The following SLIT2 variants were observed in gnomAD, a reference collection of about 807,000 sequenced individuals.
SLIT2 encodes the protein slit guidance ligand 2, also known as slit homolog 2 protein.
A neutral mutation model predicts 185.7 loss-of-function variants in SLIT2; 41 were observed. The observed-to-expected ratio is 0.22, with a 90% CI of 0.17 to 0.29. The LOEUF (loss-of-function observed/expected upper bound fraction) is 0.29, where lower values mean the gene tolerates loss of function less well. Ranked by LOEUF, SLIT2 falls within the 10% of genes least tolerant of loss-of-function variation. SLIT2 has a pLI of 1.00. For missense variants in SLIT2, 1,571 were observed against 1,909.0 expected, an observed-to-expected ratio of 0.82 and a Z score of 3.30; for synonymous variants, 693 against 680.2, an observed-to-expected ratio of 1.02 and a Z score of -0.29.
At chr4:20,535,349 A>G (rs1001517904) in intron 18 of SLIT2, among the ~76,000 whole-genome samples, 3 of 152,012 alleles carry the variant, frequency 2.0e-5, no homozygotes, top group Non-Finnish European at 2.9e-5. Flanking sequence ...GGAAGAGGAT[A>G]GAAAAGAGAC....
At chr4:20,350,547 T>G (rs755897466) in intron 4 of SLIT2, among the ~76,000 whole-genome samples, 1 of 152,196 alleles carries the variant, frequency 6.6e-6, no homozygotes, top group Non-Finnish European at 1.5e-5. Flanking sequence ...CAGAATAATA[T>G]GTAAGTCTCT....
chr4:20,567,417 T>A (rs768680866), intron 27 of SLIT2, 31 bp downstream of exon 27: 1 of 1,612,946 alleles, frequency 6.2e-7, no homozygotes, highest in Admixed American at 1.7e-5. Context: ...AGTCACAGTT[T>A]GAGAGCATAA....
intron 3 of SLIT2, among the ~76,000 whole-genome samples, chr4:20,265,431 A>T (rs1712929981): frequency 6.6e-6 from 1 of 151,908 alleles, no homozygotes; most frequent in Admixed American, 6.6e-5. Context: ...ATGTGTATTG[A>T]TACTGCTTTA....
rs771235693 is a variant in SLIT2 at position 20,256,707 on chromosome 4, A to C, written c.215A>C (p.Lys72Thr). The C allele has an allele frequency of 3.8e-6, 6 of 1,577,076 alleles. No individual in the cohort carries two copies. Among genetic ancestry groups the C allele is most frequent in the Non-Finnish European group, 5.2e-6 (6 of 1,153,864 alleles). Residue 72 changes from lysine (K) to threonine (T), a missense_variant, in exon 2 of 37, where the codon AAG becomes ACG. Physicochemically the swap from Lys to Thr is moderately conservative, Grantham distance 78. Coordinates refer to ENST00000504154, the MANE Select transcript of SLIT2 (RefSeq NM_004787.4). ...GGAAATAACATCACAAGAATTACGAAGACAGATTTTGCTGGTCTTAGACAT... is the reference window on the plus strand; with the variant it reads ...GGAAATAACATCACAAGAATTACGACGACAGATTTTGCTGGTCTTAGACAT... ...LNGNNITRIT[K>T]TDFAGLRHLR...
rs2148824944 is a variant in SLIT2, at chr4:20,510,542, C to T, written c.962C>T (p.Ser321Leu). Residue 321 changes from serine (S) to leucine (L), a missense_variant, in exon 10 of 37, where the codon TCA (serine) becomes TTA (leucine). By Grantham distance (145) the Ser-to-Leu change is moderately radical. Around this residue, in one of 3 missense-constraint regions of SLIT2, gnomAD observed 1,202 missense variants for 1,416.4 expected, o/e 0.85. Coordinates refer to ENST00000504154, the MANE Select transcript of SLIT2 (RefSeq NM_004787.4). ...AAAGTCATCCCTCCTGGAGCTTTCT[C>T]ACCATATAAAAAGCTTAGACGAATG... ...TIKVIPPGAFSPYKKLRRIDL... is the reference protein window; with the variant it reads ...TIKVIPPGAFLPYKKLRRIDL... The T allele has an allele frequency of 6.2e-7, 1 of 1,608,418 alleles. No homozygotes were observed. The highest frequency in any genetic ancestry group is 8.5e-7 in the Non-Finnish European group (1 of 1,175,394).
intron 4 of SLIT2, among the ~76,000 whole-genome samples, chr4:20,306,286 C>A (rs370955172): frequency 6.6e-6 from 1 of 152,086 alleles, no homozygotes; most frequent in African/African-American, 2.4e-5. Flanking sequence ...ACAAGACTAT[C>A]TTTTGATCAT....
rs569356759 is a variant in SLIT2 at position 20,305,148 on chromosome 4, A to G, written c.395+36267A>G. ...ATGCTATGCCATTTAGCTGCTGCTA[A>G]ACTGGTAACTCTCCATGTGGCTCTG... On this transcript the variant is annotated intron_variant, in intron 4 of 36. Coordinates refer to ENST00000504154, the MANE Select transcript of SLIT2 (RefSeq NM_004787.4). Among the ~76,000 whole-genome samples, 3 of 152,304 alleles carry G rather than the reference A, an allele frequency of 2.0e-5. No homozygotes were observed. In the South Asian group the frequency reaches 6.2e-4, roughly 32 times the overall value.
Position 20,302,708 on chromosome 4 carries a change from G to A in SLIT2, c.395+33827G>A, listed in dbSNP as rs183110487. ...TGACTGTGCAATCCAGTGACCAAGA[G>A]AGGAGAGTAATCGATTGGAGGATGC... On this transcript the variant is annotated intron_variant, in intron 4 of 36. Coordinates refer to ENST00000504154, the MANE Select transcript of SLIT2 (RefSeq NM_004787.4). 2.5e-3 allele frequency among the ~76,000 whole-genome samples: 375 copies of A among 152,312 alleles called. 1 individual carries two copies. Among genetic ancestry groups the A allele is most frequent in the Middle Eastern group, 0.014 (4 of 294 alleles).
intron 4 of SLIT2, among the ~76,000 whole-genome samples, chr4:20,436,113 A>C (rs1729327922): frequency 6.6e-6 from 1 of 152,232 alleles, no homozygotes; most frequent in South Asian, 2.1e-4. Flanking sequence ...GTAAACATCC[A>C]AAAGACAAAA....
chr4:20,341,207 C>A (rs943066623), intron 4 of SLIT2, among the ~76,000 whole-genome samples: 7 of 152,272 alleles, frequency 4.6e-5, no homozygotes, highest in African/African-American at 1.7e-4. Context: ...TCTGCTCAGA[C>A]GCATAGACTT....
At chr4:20,368,702 A>G (rs978682984) in intron 4 of SLIT2, among the ~76,000 whole-genome samples, 1 of 152,154 alleles carries the variant, frequency 6.6e-6, no homozygotes, top group African/African-American at 2.4e-5. Context: ...AAGAATGCTC[A>G]TGATAAAGTT....
intron 4 of SLIT2, among the ~76,000 whole-genome samples, chr4:20,271,948 C>T (rs766848547): frequency 4.6e-5 from 7 of 151,992 alleles, no homozygotes; most frequent in Admixed American, 3.9e-4. Flanking sequence ...AATTATGATT[C>T]GACACACTTG....
chr4:20,448,383 G>A (rs989492929), intron 4 of SLIT2, among the ~76,000 whole-genome samples: 22 of 151,984 alleles, frequency 1.4e-4, no homozygotes, highest in African/African-American at 3.6e-4. Flanking sequence ...GGGCAGCAGC[G>A]CGATCTTGGC....
At chr4:20,292,967 G>A (rs71607016) in intron 4 of SLIT2, among the ~76,000 whole-genome samples, 7,534 of 152,246 alleles carry the variant, frequency 0.049, 257 homozygotes, top group South Asian at 0.17. Flanking sequence ...CTTTCTGAAT[G>A]GGGTATCTGC....
At chr4:20,518,259 T>A (rs867968611) in intron 11 of SLIT2, among the ~76,000 whole-genome samples, 2,132 of 128,678 alleles carry the variant, frequency 0.017, 78 homozygotes, top group East Asian at 0.082. Flanking sequence ...ATATATATTT[T>A]TTTTTTTTTT....
chr4:20,525,720 T>C (rs1220555262), intron 15 of SLIT2, among the ~76,000 whole-genome samples: 1 of 152,168 alleles, frequency 6.6e-6, no homozygotes, highest in African/African-American at 2.4e-5. Flanking sequence ...TGCTGAATTA[T>C]ATGCAGTTGT....
intron 4 of SLIT2, among the ~76,000 whole-genome samples, chr4:20,324,788 G>A (rs1577434281): frequency 1.3e-5 from 2 of 152,186 alleles, no homozygotes; most frequent in South Asian, 4.1e-4. Context: ...TGTTGAAGCT[G>A]GTGAATATGT....
At chr4:20,515,743 C>A (rs1720145248) in intron 11 of SLIT2, among the ~76,000 whole-genome samples, 1 of 152,124 alleles carries the variant, frequency 6.6e-6, no homozygotes, top group African/African-American at 2.4e-5. Context: ...CTGCCCATAA[C>A]ACCTTTTTCA....
intron 4 of SLIT2, among the ~76,000 whole-genome samples, chr4:20,270,561 G>A (rs1713494717): frequency 6.6e-6 from 1 of 151,932 alleles, no homozygotes; most frequent in African/African-American, 2.4e-5. Flanking sequence ...AATGCGTGTT[G>A]GAAAATGGGG....
Sources: allele counts gnomAD v4.1 joint callset (sites outside exome capture counted in the v4.1 genomes callset), GRCh38; gene constraint gnomAD v4.1.1; regional missense constraint gnomAD v4.1.1; transcripts MANE v1.5; gene names NCBI Gene and HGNC (gene_info 2026-07-23, HGNC 2026-07-21).